FUT8: variants seen among roughly 807,000 people sequenced by gnomAD.
The protein encoded by FUT8 is alpha-(1,6)-fucosyltransferase.
In FUT8, 29 loss-of-function variants were observed where a neutral mutation model predicts 71.3. The observed-to-expected ratio is 0.41, with a 90% CI of 0.30 to 0.55. FUT8 has a LOEUF of 0.55. FUT8 is among the 20% of genes least tolerant of loss of function. The pLI, the probability that FUT8 is intolerant of heterozygous loss-of-function variation, is 0.34. For synonymous variants in FUT8, 254 were observed against 239.3 expected (o/e 1.06, Z -0.57); for missense variants, 544 against 702.1 (o/e 0.77, Z 2.55).
At chr14:65,376,363 G>C in the FUT8 span, among the ~76,000 whole-genome samples, 1 of 152,164 alleles carries the variant, frequency 6.6e-6, no homozygotes, top group Non-Finnish European at 1.5e-5. Context: ...AGAACATGTG[G>C]TGGTGGTAGA....
intron 7 of FUT8, among the ~76,000 whole-genome samples, chr14:65,684,599 C>G (rs1037239423): frequency 6.6e-6 from 1 of 152,124 alleles, no homozygotes; most frequent in African/African-American, 2.4e-5. Context: ...CTTTGTGTCC[C>G]CACCCAAACC....
chr14:65,533,140 G>GT (rs1191657153), intron 2 of FUT8, among the ~76,000 whole-genome samples: 1 of 152,018 alleles, frequency 6.6e-6, no homozygotes, highest in Non-Finnish European at 1.5e-5. Flanking sequence ...TATTTGGGCT[G>GT]TTTTTTGGTT....
chr14:65,684,090 T>C (rs1202710971), intron 7 of FUT8, among the ~76,000 whole-genome samples: 1 of 151,842 alleles, frequency 6.6e-6, no homozygotes, highest in Non-Finnish European at 1.5e-5. Flanking sequence ...GCAGATATTT[T>C]GGTTGGCATT....
chr14:65,502,073 G>C (rs772131203), intron 2 of FUT8, among the ~76,000 whole-genome samples: 2 of 151,950 alleles, frequency 1.3e-5, no homozygotes, highest in African/African-American at 2.4e-5. Context: ...ACCACACCCA[G>C]CTAATTTTTG....
the FUT8 span, among the ~76,000 whole-genome samples, chr14:65,383,854 A>T: frequency 6.6e-6 from 1 of 152,204 alleles, no homozygotes. Context: ...AAAGACTAGC[A>T]AAGTGGGAAC....
chr14:65,690,745 A>G (rs1029102636), intron 7 of FUT8, among the ~76,000 whole-genome samples: 1 of 150,600 alleles, frequency 6.6e-6, no homozygotes, highest in African/African-American at 2.4e-5. Context: ...TTTTTTTGAA[A>G]CAAGAGTCTC....
intron 9 of FUT8, among the ~76,000 whole-genome samples, chr14:65,731,780 C>G (rs893063512): frequency 6.6e-6 from 1 of 152,132 alleles, no homozygotes; most frequent in African/African-American, 2.4e-5. Flanking sequence ...TAGGGATGAG[C>G]CACCGCACCC....
chr14:65,455,964 G>A (rs1407691662), intron 2 of FUT8, among the ~76,000 whole-genome samples: 1 of 152,090 alleles, frequency 6.6e-6, no homozygotes, highest in Non-Finnish European at 1.5e-5. Context: ...TTTAAATTAT[G>A]GGGCTGGATA....
In FUT8 at chr14:65,621,772, G is replaced by A. The variant is rs140833968; in HGVS notation, c.482+5399G>A. Among the ~76,000 whole-genome samples the A allele has an allele frequency of 6.2e-3, 946 of 152,180 alleles. 11 individuals are homozygous for A. Among genetic ancestry groups the A allele is most frequent in the East Asian group, 0.035 (183 of 5,166 alleles). On this transcript the variant is annotated intron_variant, in intron 5 of 10. Transcript: ENST00000673929. ...GACAGGGTTTCTCCATGTTGGCCAG[G>A]CTGGTCTTGAACTCCTGATCTCAGG...
At chr14:65,637,338 T>A (rs1306258892) in intron 6 of FUT8, among the ~76,000 whole-genome samples, 1 of 152,198 alleles carries the variant, frequency 6.6e-6, no homozygotes, top group African/African-American at 2.4e-5. Flanking sequence ...ATGAGTGAGA[T>A]CTGTATACTT....
intron 2 of FUT8, among the ~76,000 whole-genome samples, chr14:65,488,838 C>A (rs2066445094): frequency 6.6e-6 from 1 of 152,060 alleles, no homozygotes; most frequent in Non-Finnish European, 1.5e-5. Flanking sequence ...GCATTTCTTT[C>A]CAATTTTTCA....
chr14:65,380,100 A>G, the FUT8 span, among the ~76,000 whole-genome samples: 1 of 152,228 alleles, frequency 6.6e-6, no homozygotes, highest in Non-Finnish European at 1.5e-5. Context: ...TGATAAAGAC[A>G]TACACGAGAC....
the FUT8 span, among the ~76,000 whole-genome samples, chr14:65,368,342 CTTT>C: frequency 3.3e-5 from 3 of 89,762 alleles, no homozygotes; most frequent in South Asian, 3.7e-4. Flanking sequence ...CGTGAGCCAC[CTTT>C]TTTTTTTTTT....
At position 65,563,891 on chromosome 14, in the gene FUT8, A is replaced by G. The variant is rs535781061; in HGVS notation, c.203+2125A>G. 1.6e-3 allele frequency among the ~76,000 whole-genome samples: 241 copies of G among 152,226 alleles called. 1 individual carries two copies. The highest frequency in any genetic ancestry group is 2.6e-3 in the Non-Finnish European group (174 of 67,980). On this transcript the variant is annotated intron_variant, in intron 3 of 10. Coordinates refer to ENST00000673929, the MANE Select transcript of FUT8 (RefSeq NM_001371533.1). The stretch of plus-strand genomic sequence containing the variant: ...TAATTTCTCAACTACATTTAAATGT[A>G]GAGACTACTTTCAAGAGCTGAATCA...
chr14:65,512,921 A>AAG (rs1159153075), intron 2 of FUT8, among the ~76,000 whole-genome samples: 107 of 151,614 alleles, frequency 7.1e-4, no homozygotes, highest in African/African-American at 2.5e-3. Flanking sequence ...AAAAAAAAAA[A>AAG]AAAAGAAAAA....
rs75307940 is a variant in FUT8, at chr14:65,454,936, C to T, written c.-325-685C>T. Among the ~76,000 whole-genome samples the T allele has an allele frequency of 3.5e-3, 539 of 152,122 alleles. 2 individuals carry two copies. Among genetic ancestry groups the T allele is most frequent in the Non-Finnish European group, 6.0e-3 (407 of 67,996 alleles). ...GATCAAAAGACTGCATGAGATGGTG[C>T]ATGTATAAGGCAGCAAAATACTCTA... is the stretch of plus-strand genomic sequence containing the variant. On this transcript the variant is annotated intron_variant, in intron 1 of 10. Transcript: ENST00000673929.
At chr14:65,558,772 C>T (rs1007930051) in intron 2 of FUT8, among the ~76,000 whole-genome samples, 10 of 152,080 alleles carry the variant, frequency 6.6e-5, no homozygotes, top group African/African-American at 2.4e-4. Context: ...TGTTTTTCAG[C>T]TTAACTTGGT....
intron 3 of FUT8, among the ~76,000 whole-genome samples, 155 bp from the exon 4 acceptor site, chr14:65,615,823 A>G (rs1054763569): frequency 1.8e-4 from 27 of 152,226 alleles, no homozygotes; most frequent in Admixed American, 1.4e-3. Context: ...GGTTAATCCT[A>G]TACCTTTGAA....
intron 1 of FUT8, among the ~76,000 whole-genome samples, chr14:65,444,873 A>G (rs2065715059): frequency 6.6e-6 from 1 of 152,144 alleles, no homozygotes; most frequent in African/African-American, 2.4e-5. Context: ...GTATTGGTTC[A>G]TATGGGGGAG....
Sources: gnomAD v4.1 joint callset for allele counts (sites outside exome capture counted in the v4.1 genomes callset) on GRCh38, gnomAD v4.1.1 for gene constraint, MANE v1.5 for transcripts, NCBI Gene and HGNC (gene_info 2026-07-23, HGNC 2026-07-21) for gene names.